OLA1: variants seen among roughly 807,000 people sequenced by gnomAD.
The protein encoded by OLA1 is Obg like ATPase 1.
A neutral mutation model predicts 48.4 loss-of-function variants in OLA1; 14 were observed. The ratio of observed to expected loss-of-function variants is 0.29; its 90% confidence interval spans 0.19 to 0.45. The LOEUF (loss-of-function observed/expected upper bound fraction) is 0.45. Among genes scored for constraint, OLA1 ranks in the 20% least tolerant of loss-of-function variants. OLA1 has a pLI of 1.00. For missense variants in OLA1, 325 were observed against 467.1 expected (o/e 0.70, Z 2.80); for synonymous variants, 127 against 150.4 (o/e 0.84, Z 1.14).
At chr2:174,153,457 G>C (rs1021730652) in intron 4 of OLA1, among the ~76,000 whole-genome samples, 1 of 152,102 alleles carries the variant, frequency 6.6e-6, no homozygotes, top group South Asian at 2.1e-4. Flanking sequence ...TAGTATAGTA[G>C]CAATCAAAAA....
At chr2:174,225,423 G>A (rs1044255614) in intron 3 of OLA1, among the ~76,000 whole-genome samples, 3 of 152,170 alleles carry the variant, frequency 2.0e-5, no homozygotes, top group African/African-American at 7.2e-5. Flanking sequence ...GGTAGCACAT[G>A]CCTGTAATCC....
chr2:174,091,869 C>CAAAAAAAAAAAAAAAAAAAAAAAA (rs1174747360), intron 7 of OLA1, among the ~76,000 whole-genome samples: 3 of 22,982 alleles, frequency 1.3e-4, no homozygotes, highest in Non-Finnish European at 2.9e-4. Context: ...GACTCTGCCT[C>CAAAAAAAAAAAAAAAAAAAAAAAA]AAAAAAAAAA....
At chr2:174,191,603 C>T (rs574828788) in intron 4 of OLA1, among the ~76,000 whole-genome samples, 2 of 152,138 alleles carry the variant, frequency 1.3e-5, no homozygotes, top group South Asian at 2.1e-4. Context: ...TAGAGGCACC[C>T]GTCACCATAC....
chr2:174,137,681 C>T (rs188564142), intron 5 of OLA1, among the ~76,000 whole-genome samples: 30 of 152,352 alleles, frequency 2.0e-4, no homozygotes, highest in African/African-American at 7.0e-4. Context: ...TATGTTAGGG[C>T]TATGGCTTCT....
intron 4 of OLA1, among the ~76,000 whole-genome samples, chr2:174,211,407 T>A (rs1370086598): frequency 6.6e-6 from 1 of 152,196 alleles, no homozygotes; most frequent in Non-Finnish European, 1.5e-5. Flanking sequence ...TAGCCCAGCT[T>A]AAAAAACAAA....
intron 7 of OLA1, among the ~76,000 whole-genome samples, chr2:174,086,393 G>A (rs1273142367): frequency 2.6e-5 from 4 of 151,990 alleles, no homozygotes; most frequent in African/African-American, 9.7e-5. Context: ...AACCACATAC[G>A]GTAGCCCCCA....
At chr2:174,166,165 T>C (rs1170174512) in intron 4 of OLA1, among the ~76,000 whole-genome samples, 1 of 151,848 alleles carries the variant, frequency 6.6e-6, no homozygotes, top group Non-Finnish European at 1.5e-5. Context: ...CTATTCCTTA[T>C]TAGAAGATAG....
At chr2:174,233,964 T>C (rs1688791141) in intron 2 of OLA1, among the ~76,000 whole-genome samples, 1 of 152,186 alleles carries the variant, frequency 6.6e-6, no homozygotes, top group South Asian at 2.1e-4. Flanking sequence ...TGAACAACAC[T>C]GGTTTGAAAT....
At chr2:174,158,288 A>C (rs553485960) in intron 4 of OLA1, among the ~76,000 whole-genome samples, 1 of 152,166 alleles carries the variant, frequency 6.6e-6, no homozygotes. Flanking sequence ...TCATCCTGTC[A>C]TTTCATTCAC....
intron 7 of OLA1, among the ~76,000 whole-genome samples, chr2:174,095,113 G>C (rs1685217112): frequency 6.6e-6 from 1 of 152,078 alleles, no homozygotes; most frequent in Non-Finnish European, 1.5e-5. Context: ...AATGAACATG[G>C]GTGTGCAAAT....
chr2:174,188,263 A>G (rs1171004039), intron 4 of OLA1, among the ~76,000 whole-genome samples: 1 of 152,176 alleles, frequency 6.6e-6, no homozygotes, highest in Non-Finnish European at 1.5e-5. Flanking sequence ...AATGAGGCAG[A>G]TGATCTGGAG....
intron 4 of OLA1, among the ~76,000 whole-genome samples, chr2:174,155,612 T>C (rs973705877): frequency 2.0e-5 from 3 of 152,226 alleles, no homozygotes; most frequent in African/African-American, 7.2e-5. Context: ...TCTGAAGACT[T>C]CTTGGGTGTT....
intron 7 of OLA1, among the ~76,000 whole-genome samples, chr2:174,088,230 C>T (rs895073874): frequency 6.6e-6 from 1 of 152,302 alleles, no homozygotes; most frequent in Non-Finnish European, 1.5e-5. Flanking sequence ...TATGGATGTA[C>T]CATTAATCCA....
intron 4 of OLA1, among the ~76,000 whole-genome samples, chr2:174,168,432 T>C (rs902060065): frequency 6.6e-6 from 1 of 151,794 alleles, no homozygotes; most frequent in African/African-American, 2.4e-5. Flanking sequence ...AGAGAAAAAC[T>C]GGAACCTAGA....
intron 4 of OLA1, among the ~76,000 whole-genome samples, chr2:174,186,759 G>A (rs1250746832): frequency 2.6e-5 from 4 of 151,842 alleles, no homozygotes; most frequent in Non-Finnish European, 5.9e-5. Context: ...AGGTAACAGT[G>A]ATAAGAAAAA....
chr2:174,187,768 T>G (rs549143254), intron 4 of OLA1, among the ~76,000 whole-genome samples: 2 of 152,296 alleles, frequency 1.3e-5, no homozygotes, highest in South Asian at 4.1e-4. Context: ...CTAGTAGCAG[T>G]GAACAGAGGC....
chr2:174,078,344 A>T (rs1684792721), intron 10 of OLA1, among the ~76,000 whole-genome samples: 1 of 151,966 alleles, frequency 6.6e-6, no homozygotes, highest in East Asian at 1.9e-4. Context: ...ACATCTAATA[A>T]ATCAAACAAA....
intron 5 of OLA1, among the ~76,000 whole-genome samples, chr2:174,134,508 C>G (rs1686255989): frequency 6.6e-6 from 1 of 152,158 alleles, no homozygotes; most frequent in Non-Finnish European, 1.5e-5. Context: ...CATTTTTACT[C>G]CACTACCCTC....
intron 4 of OLA1, among the ~76,000 whole-genome samples, chr2:174,145,619 T>A (rs542538046): frequency 6.6e-6 from 1 of 152,340 alleles, no homozygotes; most frequent in African/African-American, 2.4e-5. Flanking sequence ...TCAGAGCTTC[T>A]AAAGAGTAAA....
Sources: allele counts gnomAD v4.1 joint callset (sites outside exome capture counted in the v4.1 genomes callset), GRCh38; gene constraint gnomAD v4.1.1; transcripts MANE v1.5; gene names NCBI Gene and HGNC (gene_info 2026-07-23, HGNC 2026-07-21).